Variants in ZNF704 observed in about 807,000 individuals in gnomAD.
ZNF704 encodes glucocorticoid induced gene 1.
Under a neutral mutation model 44.7 loss-of-function variants are expected in ZNF704, and 10 were observed. The observed-to-expected ratio is 0.22, with a 90% CI of 0.14 to 0.38. The LOEUF is 0.38. Among genes scored for constraint, ZNF704 ranks in the 10% least tolerant of loss-of-function variants. ZNF704 has a pLI of 1.00. For synonymous variants in ZNF704, 211 were observed against 207.6 expected, an observed-to-expected ratio of 1.02 and a Z score of -0.14; for missense variants, 390 against 545.5, an observed-to-expected ratio of 0.71 and a Z score of 2.84.
At chr8:80,760,554 G>A (rs1025749032) in intron 2 of ZNF704, among the ~76,000 whole-genome samples, 7 of 151,562 alleles carry the variant, frequency 4.6e-5, no homozygotes, top group South Asian at 2.1e-4. Context: ...TACTCAGGAG[G>A]CTGAGGCAGG....
intron 2 of ZNF704, among the ~76,000 whole-genome samples, chr8:80,757,161 G>A (rs1197787426): frequency 6.6e-6 from 1 of 152,168 alleles, no homozygotes; most frequent in South Asian, 2.1e-4. Flanking sequence ...TATTTCAGAA[G>A]AAGGCATTGT....
chr8:80,705,394 C>T (rs919557754), intron 2 of ZNF704, among the ~76,000 whole-genome samples: 8 of 147,166 alleles, frequency 5.4e-5, no homozygotes, highest in Admixed American at 4.0e-4. Flanking sequence ...TGTCTTGGTC[C>T]TTTGTGTATG....
chr8:80,644,137 C>T (rs1817790574), intron 7 of ZNF704, among the ~76,000 whole-genome samples: 1 of 152,172 alleles, frequency 6.6e-6, no homozygotes, highest in African/African-American at 2.4e-5. Context: ...CGCAGTATTA[C>T]TATTGTTCCC....
At chr8:80,696,499 C>G (rs1460985986) in intron 2 of ZNF704, among the ~76,000 whole-genome samples, 2 of 152,154 alleles carry the variant, frequency 1.3e-5, no homozygotes, top group African/African-American at 2.4e-5. Context: ...CTCACTGCAA[C>G]CTCCACCTCC....
intron 2 of ZNF704, among the ~76,000 whole-genome samples, chr8:80,724,678 C>T (rs1487606344): frequency 2.0e-5 from 3 of 152,096 alleles, no homozygotes; most frequent in Non-Finnish European, 4.4e-5. Flanking sequence ...TCCTTATACC[C>T]GACTGAACCC....
intron 2 of ZNF704, among the ~76,000 whole-genome samples, chr8:80,739,860 T>C (rs1806727449): frequency 6.6e-6 from 1 of 152,162 alleles, no homozygotes; most frequent in Admixed American, 6.5e-5. Context: ...AGGGAATCAC[T>C]GGAAGGCCCA....
At chr8:80,690,580 C>A (rs1818615057) in intron 3 of ZNF704, among the ~76,000 whole-genome samples, 1 of 152,200 alleles carries the variant, frequency 6.6e-6, no homozygotes, top group Non-Finnish European at 1.5e-5. Context: ...TTACTATAAT[C>A]CTTCTTTAGC....
At chr8:80,772,400 C>CGG (rs1188115896) in intron 2 of ZNF704, among the ~76,000 whole-genome samples, 3 of 152,038 alleles carry the variant, frequency 2.0e-5, no homozygotes, top group African/African-American at 7.2e-5. Context: ...AATTGGCTCA[C>CGG]GGTTCTGCAG....
At chr8:80,684,045 C>T (rs1818496146) in intron 4 of ZNF704, among the ~76,000 whole-genome samples, 1 of 152,206 alleles carries the variant, frequency 6.6e-6, no homozygotes, top group Non-Finnish European at 1.5e-5. Context: ...CTTAAGACCA[C>T]ATTTAATCTT....
intron 2 of ZNF704, among the ~76,000 whole-genome samples, chr8:80,805,097 A>G (rs540275343): frequency 4.6e-5 from 7 of 152,160 alleles, no homozygotes; most frequent in Non-Finnish European, 1.0e-4. Flanking sequence ...TTACCCCTGA[A>G]GTAGGCAAGG....
At chr8:80,645,292 C>G (rs907086907) in intron 7 of ZNF704, 9 of 997,348 alleles carry the variant, frequency 9.0e-6, no homozygotes, top group Non-Finnish European at 1.3e-5. Flanking sequence ...ATTTAAAAAC[C>G]TAGGAGCCAA....
rs189612403 is a variant in ZNF704 at position 80,800,136 on chromosome 8, A to C, written c.221+21238T>G. ...GAACAGAGAAAAAATAACGAAAAAG[A>C]ATAAACAAAACCTCTGAGAAATATG... On this transcript the variant is annotated intron_variant, in intron 2 of 8. Coordinates refer to ENST00000327835, the MANE Select transcript of ZNF704 (RefSeq NM_001033723.3). Among the ~76,000 whole-genome samples the C allele has an allele frequency of 3.6e-3, 549 of 152,326 alleles. 2 individuals are homozygous for C. The highest frequency in any genetic ancestry group is 3.9e-3 in the Non-Finnish European group (263 of 68,036).
chr8:80,706,351 G>GT (rs199975279), intron 2 of ZNF704, among the ~76,000 whole-genome samples: 54 of 148,796 alleles, frequency 3.6e-4, no homozygotes, highest in South Asian at 3.6e-3. Context: ...TTTTTCCCTA[G>GT]TTTTTTTTTT....
chr8:80,860,207 T>C (rs555988994), intron 1 of ZNF704, among the ~76,000 whole-genome samples: 42 of 152,328 alleles, frequency 2.8e-4, no homozygotes, highest in Non-Finnish European at 3.8e-4. Flanking sequence ...CATCTTCTGC[T>C]GCAGTAGTGA....
chr8:80,747,069 A>C (rs1806858462), intron 2 of ZNF704, among the ~76,000 whole-genome samples: 1 of 152,162 alleles, frequency 6.6e-6, no homozygotes, highest in Admixed American at 6.6e-5. Context: ...TGGACTTTCC[A>C]CATCTGCTTC....
chr8:80,853,441 T>A (rs1027672854), intron 1 of ZNF704, among the ~76,000 whole-genome samples: 2 of 152,164 alleles, frequency 1.3e-5, no homozygotes, highest in African/African-American at 2.4e-5. Flanking sequence ...TTTCCAGGAC[T>A]TTAAAATGTT....
chr8:80,631,609 G>A lies in ZNF704; in HGVS notation c.*9757C>T, dbSNP rs566846342. On this transcript the variant is annotated 3_prime_UTR_variant, in exon 9 of 9. Coordinates refer to ENST00000327835, the MANE Select transcript of ZNF704 (RefSeq NM_001033723.3). ...TGGTTCTGATCACTCTATTAGCCTC[G>A]CACGTGGAGAGGACCGGTAGGGTTG... 9 of 152,288 alleles carry A rather than the reference G, an allele frequency of 5.9e-5. No individual in the cohort carries two copies. The East Asian group carries it at 1.4e-3, about 23-fold the overall frequency. 9.4% of individuals were successfully genotyped at this position (152,288 alleles called of 1,614,324 possible).
At chr8:80,662,760 A>G (rs944428996) in intron 6 of ZNF704, among the ~76,000 whole-genome samples, 2 of 152,236 alleles carry the variant, frequency 1.3e-5, no homozygotes, top group African/African-American at 4.8e-5. Flanking sequence ...CCTCGGACTC[A>G]ATAATTATTC....
chr8:80,673,802 T>C (rs1818318088), intron 4 of ZNF704, among the ~76,000 whole-genome samples: 1 of 152,180 alleles, frequency 6.6e-6, no homozygotes, highest in Admixed American at 6.5e-5. Context: ...AGAGGACAAA[T>C]GTGGCAGCAC....
Sources: allele counts gnomAD v4.1 joint callset (sites outside exome capture counted in the v4.1 genomes callset), GRCh38; gene constraint gnomAD v4.1.1; transcripts MANE v1.5; gene names NCBI Gene and HGNC (gene_info 2026-07-23, HGNC 2026-07-21).